The following ADD3 variants were observed in gnomAD, a reference collection of about 807,000 sequenced individuals.
ADD3 encodes gamma-adducin.
ADD3 carries 25 observed loss-of-function variants against 80.2 expected under a neutral mutation model. That is an observed-to-expected ratio of 0.31 (90% CI 0.23 to 0.44). The LOEUF (loss-of-function observed/expected upper bound fraction) is 0.44, where lower values mean the gene tolerates loss of function less well. ADD3 is among the 20% of genes least tolerant of loss of function. The probability of loss-of-function intolerance (pLI) is 1.00; values close to 1 mark genes in which losing one functional copy is unlikely to be tolerated. For missense variants in ADD3, 829 were observed against 847.5 expected (o/e 0.98, Z 0.27); for synonymous variants, 284 against 289.6 (o/e 0.98, Z 0.20).
intron 5 of ADD3, among the ~76,000 whole-genome samples, 170 bp from the exon 6 acceptor site, chr10:110,118,417 C>T (rs1046328597): frequency 1.2e-4 from 19 of 152,192 alleles, no homozygotes; most frequent in Non-Finnish European, 2.5e-4. Context: ...TTTATGGCTG[C>T]TTTTGTACTG....
rs116116389 is a variant in ADD3, at chr10:110,025,227, G to A, written c.-30+16928G>A. On this transcript the variant is annotated intron_variant, in intron 1 of 14. Coordinates refer to ENST00000356080, the MANE Select transcript of ADD3 (RefSeq NM_016824.5). Reference sequence around the variant, plus strand: ...TTATTAAAACGTTTCCTTTCCTAGCGTCCGTTCCACTAAGGCAGAGGTATA... The same window carrying A: ...TTATTAAAACGTTTCCTTTCCTAGCATCCGTTCCACTAAGGCAGAGGTATA... Among the ~76,000 whole-genome samples, 1,433 of 151,984 alleles carry A rather than the reference G, an allele frequency of 9.4e-3. 21 individuals are homozygous for A. Among genetic ancestry groups the A allele is most frequent in the African/African-American group, 0.029 (1,219 of 41,484 alleles).
chr10:110,028,791 T>G (rs916755590), intron 1 of ADD3, among the ~76,000 whole-genome samples: 1 of 152,198 alleles, frequency 6.6e-6, no homozygotes, highest in Non-Finnish European at 1.5e-5. Context: ...TTAATAGCAT[T>G]AGTAAATGTT....
intron 3 of ADD3, among the ~76,000 whole-genome samples, chr10:110,114,285 G>C (rs931384744): frequency 6.6e-6 from 1 of 152,190 alleles, no homozygotes; most frequent in Non-Finnish European, 1.5e-5. Context: ...AATTTTGTCA[G>C]AAATTATGCT....
intron 1 of ADD3, among the ~76,000 whole-genome samples, chr10:110,024,486 T>G (rs1854049066): frequency 6.6e-6 from 1 of 152,234 alleles, no homozygotes; most frequent in Non-Finnish European, 1.5e-5. Flanking sequence ...AGTAGCTTTG[T>G]TGCATGCACA....
At chr10:110,082,177 C>T (rs1029522377) in intron 1 of ADD3, among the ~76,000 whole-genome samples, 1 of 151,928 alleles carries the variant, frequency 6.6e-6, no homozygotes, top group South Asian at 2.1e-4. Context: ...AGGCTATTAA[C>T]GTTTTAGAAC....
At chr10:110,111,505 T>A (rs1215862929) in intron 2 of ADD3, among the ~76,000 whole-genome samples, 1 of 152,150 alleles carries the variant, frequency 6.6e-6, no homozygotes, top group African/African-American at 2.4e-5. Flanking sequence ...TCTCTTAATA[T>A]TAGTTCAGGA....
chr10:110,130,704 A>G (rs973840686), intron 13 of ADD3, among the ~76,000 whole-genome samples: 1 of 152,188 alleles, frequency 6.6e-6, no homozygotes, highest in Admixed American at 6.5e-5. Flanking sequence ...AAAAATTAAA[A>G]AATTAGCCGG....
intron 1 of ADD3, among the ~76,000 whole-genome samples, chr10:110,018,765 C>T (rs928918857): frequency 2.0e-5 from 3 of 152,096 alleles, no homozygotes; most frequent in African/African-American, 7.2e-5. Flanking sequence ...ACAGCTACAG[C>T]AAAGACTTAT....
intron 2 of ADD3, 58 bp from the exon 3 acceptor site, chr10:110,112,719 A>C (rs1850205682): frequency 6.4e-7 from 1 of 1,559,194 alleles, no homozygotes; most frequent in Admixed American, 2.0e-5. Flanking sequence ...GTATCGGAAC[A>C]AGTTACTTTT....
chr10:110,024,476 A>G (rs1280545609), intron 1 of ADD3, among the ~76,000 whole-genome samples: 1 of 152,218 alleles, frequency 6.6e-6, no homozygotes, highest in Non-Finnish European at 1.5e-5. Context: ...TGGCTCCTCT[A>G]GTAGCTTTGT....
At chr10:110,070,007 T>C (rs1589974584) in intron 1 of ADD3, among the ~76,000 whole-genome samples, 1 of 152,362 alleles carries the variant, frequency 6.6e-6, no homozygotes, top group East Asian at 1.9e-4. Context: ...AGTTGTAATC[T>C]GTGATACTTT....
intron 12 of ADD3, among the ~76,000 whole-genome samples, chr10:110,128,619 G>A (rs905199519): frequency 7.9e-5 from 12 of 151,854 alleles, no homozygotes; most frequent in East Asian, 3.9e-4. Context: ...GGGTTTCACC[G>A]CGTTAGCCAG....
At chr10:110,048,937 CTT>C (rs1857192802) in intron 1 of ADD3, among the ~76,000 whole-genome samples, 2 of 152,302 alleles carry the variant, frequency 1.3e-5, no homozygotes, top group African/African-American at 4.8e-5. Context: ...TGTCAGAAAA[CTT>C]TGTGCCAGCC....
At chr10:110,131,749 T>G (rs1853037587) in intron 13 of ADD3, among the ~76,000 whole-genome samples, 1 of 152,244 alleles carries the variant, frequency 6.6e-6, no homozygotes. Context: ...TATCCCTCTT[T>G]AATCTCTTGT....
intron 12 of ADD3, 49 bp from the exon 13 acceptor site, chr10:110,130,314 A>G (rs1443326693): frequency 1.3e-6 from 2 of 1,585,680 alleles, no homozygotes; most frequent in East Asian, 2.2e-5. Context: ...GGATAGATAT[A>G]TAAGTAAAAC....
At position 110,073,133 on chromosome 10, in the gene ADD3, G is replaced by GTTTTTTT. The variant is rs1443878675; in HGVS notation, c.-29-27488_-29-27487insTTTTTTT. 2.8e-4 allele frequency among the ~76,000 whole-genome samples: 30 copies of GTTTTTTT among 106,464 alleles called. 1 individual carries two copies. The highest frequency in any genetic ancestry group is 4.1e-4 in the Non-Finnish European group (22 of 54,000). The allele number at this position is 106,464 out of a possible 152,430, so 69.8% of individuals were successfully genotyped here. A position where few individuals can be genotyped will look rare whatever the true frequency, so the allele number is the denominator to read the frequency against. On this transcript the variant is annotated intron_variant, in intron 1 of 14. Coordinates refer to ENST00000356080, the MANE Select transcript of ADD3 (RefSeq NM_016824.5). ...ATTTGCTTAACCTCTTTGAGTTTTA[G>GTTTTTTT]TTTTCTTTTTTTTTTTTTTTTTTTT...
At position 110,107,784 on chromosome 10, in the gene ADD3, C is replaced by T. The variant is rs182732304; in HGVS notation, c.196-4993C>T. Among the ~76,000 whole-genome samples the T allele has an allele frequency of 2.4e-4, 36 of 152,228 alleles. 1 individual carries two copies. The East Asian group carries it at 5.0e-3, about 21-fold the overall frequency. Reference sequence around the variant, plus strand: ...AGAGCATGCAGTACAGCACGCAGCACGTAGTCGGCAACTGTTTTTTGGAAA... The same window carrying T: ...AGAGCATGCAGTACAGCACGCAGCATGTAGTCGGCAACTGTTTTTTGGAAA... On this transcript the variant is annotated intron_variant, in intron 2 of 14. Coordinates refer to ENST00000356080, the MANE Select transcript of ADD3 (RefSeq NM_016824.5).
chr10:110,094,772 T>G (rs1184116985), intron 1 of ADD3, among the ~76,000 whole-genome samples: 1 of 152,210 alleles, frequency 6.6e-6, no homozygotes, highest in Non-Finnish European at 1.5e-5. Flanking sequence ...TTTCTAGAAC[T>G]TCAAATAACT....
chr10:110,032,824 ACT>A (rs1855204988), intron 1 of ADD3, among the ~76,000 whole-genome samples: 1 of 152,168 alleles, frequency 6.6e-6, no homozygotes, highest in Admixed American at 6.5e-5. Flanking sequence ...TTGTTTTTAT[ACT>A]GTTAATTATT....
Sources: allele counts gnomAD v4.1 joint callset (sites outside exome capture counted in the v4.1 genomes callset), GRCh38; gene constraint gnomAD v4.1.1; transcripts MANE v1.5; gene names NCBI Gene and HGNC (gene_info 2026-07-23, HGNC 2026-07-21).